TGM3: variants seen among roughly 807,000 people sequenced by gnomAD.
TGM3 encodes transglutaminase 3.
In TGM3, 52 loss-of-function variants were observed where a neutral mutation model predicts 73.8. The observed-to-expected ratio is 0.70, with a 90% CI of 0.56 to 0.89. The LOEUF (loss-of-function observed/expected upper bound fraction) is 0.89, where lower values mean the gene tolerates loss of function less well. Ranked by LOEUF, TGM3 falls within the 40% of genes least tolerant of loss-of-function variation. TGM3 has a pLI of 0.00. For synonymous variants in TGM3, 372 were observed against 354.9 expected (o/e 1.05, Z -0.54); for missense variants, 928 against 909.9 (o/e 1.02, Z -0.26).
Position 2,328,757 on chromosome 20 carries a change from G to A in TGM3, c.1333+392G>A, listed in dbSNP as rs1277257885. On this transcript the variant is annotated intron_variant, in intron 9 of 12. Coordinates refer to ENST00000381458, the MANE Select transcript of TGM3 (RefSeq NM_003245.4). The surrounding 1 kb of genome is among the most constrained non-coding windows in gnomAD (Gnocchi z 5.2). ...CCATCAGTCTGCTCCCTTAGCCTCT[G>A]AGAAACTCAGGGAGAAAACCATCTG... 6.6e-6 allele frequency among the ~76,000 whole-genome samples: 1 copy of A among 152,242 alleles called. No individual in the cohort carries two copies. The highest frequency in any genetic ancestry group is 1.5e-5 in the Non-Finnish European group (1 of 68,046).
intron 11 of TGM3, 134 bp from the exon 12 acceptor site, chr20:2,339,720 G>A (rs917319664): frequency 6.2e-5 from 75 of 1,210,060 alleles, no homozygotes; most frequent in Admixed American, 2.5e-4. Flanking sequence ...CACCTAGGAG[G>A]GCTAAATGGT....
chr20:2,301,746 G>C (rs1203507220), intron 1 of TGM3, among the ~76,000 whole-genome samples: 1 of 151,898 alleles, frequency 6.6e-6, no homozygotes, highest in African/African-American at 2.4e-5. Context: ...TGTCGCCCAG[G>C]CAGGAGTGCA....
intron 5 of TGM3, among the ~76,000 whole-genome samples, chr20:2,315,488 C>G (rs759798460): frequency 7.2e-5 from 11 of 152,224 alleles, no homozygotes; most frequent in Non-Finnish European, 1.2e-4. Context: ...GAACTCACTA[C>G]TGCACTGAGG....
chr20:2,340,176 A>C (rs2122263320), intron 12 of TGM3, among the ~76,000 whole-genome samples, 189 bp downstream of exon 12: 1 of 152,302 alleles, frequency 6.6e-6, no homozygotes, highest in Non-Finnish European at 1.5e-5. Flanking sequence ...TCCTGAGAAG[A>C]ACAGGTCACC....
chr20:2,318,462 G>A (rs141612543), intron 7 of TGM3, among the ~76,000 whole-genome samples: 59 of 152,236 alleles, frequency 3.9e-4, no homozygotes, highest in African/African-American at 1.3e-3. Flanking sequence ...TAACTGCATA[G>A]AGCACTAGAT....
intron 11 of TGM3, 115 bp downstream of exon 11, chr20:2,335,388 T>C (rs1401462074): frequency 2.2e-6 from 3 of 1,347,072 alleles, no homozygotes; most frequent in East Asian, 4.9e-5. Context: ...GAGAGTTTTT[T>C]CTTGCTGGGA....
chr20:2,309,384 G>A (rs2122217525), intron 1 of TGM3, among the ~76,000 whole-genome samples: 1 of 152,322 alleles, frequency 6.6e-6, no homozygotes, highest in South Asian at 2.1e-4. Flanking sequence ...AGGATGCACA[G>A]AGGTTCAGCT....
intron 9 of TGM3, among the ~76,000 whole-genome samples, chr20:2,331,307 TTC>T (rs2084319698): frequency 6.6e-6 from 1 of 152,160 alleles, no homozygotes; most frequent in Admixed American, 6.5e-5. Flanking sequence ...ATCCCTGTCA[TTC>T]TCTGTGGGCT....
intron 7 of TGM3, among the ~76,000 whole-genome samples, chr20:2,322,171 T>C (rs2084266034): frequency 1.3e-5 from 2 of 152,176 alleles, no homozygotes; most frequent in Admixed American, 1.3e-4. Context: ...ATCATTTTTA[T>C]GATGCCCTTT....
At chr20:2,314,221 A>G (rs2084221839) in intron 5 of TGM3, among the ~76,000 whole-genome samples, 1 of 152,146 alleles carries the variant, frequency 6.6e-6, no homozygotes, top group African/African-American at 2.4e-5. Flanking sequence ...CTGTATTCCC[A>G]GCTACTCAGG....
intron 12 of TGM3, 59 bp from the exon 13 acceptor site, chr20:2,340,375 C>T (rs1275640234): frequency 6.2e-7 from 1 of 1,601,216 alleles, no homozygotes; most frequent in Non-Finnish European, 8.5e-7. Context: ...CACAGGAGGC[C>T]CGTCCAGCCC....
Position 2,309,552 on chromosome 20 carries a change from C to T in TGM3, c.8-105C>T, listed in dbSNP as rs1053808144. 1.2e-5 allele frequency: 14 copies of T among 1,215,880 alleles called. 1 individual carries two copies. Among genetic ancestry groups the T allele is most frequent in the Non-Finnish European group, 1.6e-5 (14 of 857,814 alleles). 75.3% of individuals were successfully genotyped at this position (1,215,880 alleles called of 1,614,324 possible). On this transcript the variant is annotated intron_variant, in intron 1 of 12. Transcript: ENST00000381458. ...TTCTTTCTAGGAATTTGGCTCTGCC[C>T]TTGACAAGCCTCACCCCAAAGCTGC...
At chr20:2,340,354 G>A (rs1168412924) in intron 12 of TGM3, 80 bp from the exon 13 acceptor site, 5 of 1,577,890 alleles carry the variant, frequency 3.2e-6, no homozygotes, top group Non-Finnish European at 2.6e-6. Context: ...CATCAGAACA[G>A]GACAGGAGGT....
intron 3 of TGM3, 58 bp downstream of exon 3, chr20:2,310,475 G>C: frequency 6.3e-7 from 1 of 1,590,834 alleles, no homozygotes; most frequent in Non-Finnish European, 8.6e-7. Context: ...AGAAAAAGGG[G>C]ATGGGGGAAA....
chr20:2,305,482 A>G (rs1256267571), intron 1 of TGM3, among the ~76,000 whole-genome samples: 1 of 152,230 alleles, frequency 6.6e-6, no homozygotes, highest in African/African-American at 2.4e-5. Flanking sequence ...GACCTCAGTT[A>G]AACTACCTGG....
In TGM3 at chr20:2,317,440, A is replaced by G. The variant is rs374601295; in HGVS notation, c.938A>G (p.Tyr313Cys). 5.6e-6 allele frequency: 9 copies of G among 1,614,122 alleles called. No homozygotes were observed. The African/African-American group carries it at 1.2e-4, about 22-fold the overall frequency. Residue 313 changes from tyrosine to cysteine, a missense_variant, in exon 7 of 13, where the codon TAC (tyrosine) becomes TGC (cysteine). Physicochemically the swap from Tyr to Cys is radical, Grantham distance 194 (BLOSUM62 -2). Transcript: ENST00000381458. ...CGAAATCTCAGTGTGGATGTGTACT[A>G]CGACCCCATGGGAAACCCCCTGGAC... The part of the protein sequence containing the change: ...TDRNLSVDVY[Y>C]DPMGNPLDKG...
At chr20:2,311,341 C>A (rs2084202583) in intron 4 of TGM3, among the ~76,000 whole-genome samples, 2 of 152,132 alleles carry the variant, frequency 1.3e-5, no homozygotes, top group African/African-American at 4.8e-5. Context: ...ACAGATCCAT[C>A]TTTGAGGGGG....
At chr20:2,317,321 T>C (rs769295727) in intron 6 of TGM3, 29 bp from the exon 7 acceptor site, 12 of 1,614,052 alleles carry the variant, frequency 7.4e-6, no homozygotes, top group Non-Finnish European at 8.5e-7. Context: ...CTCCACCACC[T>C]GAGTCCTCAC....
chr20:2,328,446 C>T lies in TGM3; in HGVS notation c.1333+81C>T. ...CTCTGAGGCTGGAGAGGAGAAAAGT[C>T]CTCACCTCCCCCGCACTGGCAGCCA... On this transcript the variant is annotated intron_variant, in intron 9 of 12. Coordinates refer to ENST00000381458, the MANE Select transcript of TGM3 (RefSeq NM_003245.4). This position sits in a 1 kb window ranked among gnomAD's most constrained non-coding sequence, Gnocchi z 5.2. The T allele has an allele frequency of 6.4e-7, 1 of 1,563,184 alleles. No homozygotes were observed. The highest frequency in any genetic ancestry group is 8.7e-7 in the Non-Finnish European group (1 of 1,152,200).
Sources: allele counts gnomAD v4.1 joint callset (sites outside exome capture counted in the v4.1 genomes callset), GRCh38; gene constraint gnomAD v4.1.1; non-coding constraint Gnocchi (gnomAD v3.1); transcripts MANE v1.5; gene names NCBI Gene and HGNC (gene_info 2026-07-23, HGNC 2026-07-21).